NPAS3: variants seen among roughly 807,000 people sequenced by gnomAD.
NPAS3 encodes neuronal PAS domain-containing protein 3.
A neutral mutation model predicts 73.1 loss-of-function variants in NPAS3; 14 were observed. The ratio of observed to expected loss-of-function variants is 0.19; its 90% CI spans 0.13 to 0.30. The LOEUF (loss-of-function observed/expected upper bound fraction) is 0.30, where lower values mean the gene tolerates loss of function less well. NPAS3 is among the 10% of genes least tolerant of loss of function. The pLI is 1.00. For synonymous variants in NPAS3, 620 were observed against 541.5 expected, an observed-to-expected ratio of 1.14 and a Z score of -2.01; for missense variants, 1,096 against 1,250.0, an observed-to-expected ratio of 0.88 and a Z score of 1.86.
chr14:33,310,667 G>T (rs2042963345), intron 3 of NPAS3, among the ~76,000 whole-genome samples: 1 of 152,088 alleles, frequency 6.6e-6, no homozygotes, highest in South Asian at 2.1e-4. Flanking sequence ...CACATAGCAG[G>T]TAATGTGTTT....
At chr14:33,286,648 G>C (rs1408374233) in intron 3 of NPAS3, among the ~76,000 whole-genome samples, 1 of 152,088 alleles carries the variant, frequency 6.6e-6, no homozygotes, top group Non-Finnish European at 1.5e-5. Flanking sequence ...TAGCATGAAT[G>C]TGAGGGCTTT....
intron 4 of NPAS3, among the ~76,000 whole-genome samples, chr14:33,384,923 G>A (rs934698027): frequency 1.3e-5 from 2 of 152,130 alleles, no homozygotes; most frequent in Non-Finnish European, 2.9e-5. Flanking sequence ...CGGGCCACAC[G>A]TTGGGGATTG....
chr14:33,624,311 T>C (rs1348241865), intron 5 of NPAS3, among the ~76,000 whole-genome samples: 2 of 152,234 alleles, frequency 1.3e-5, no homozygotes, highest in African/African-American at 4.8e-5. Flanking sequence ...AGAATCAAGA[T>C]CACCATATCA....
chr14:33,053,720 A>G (rs2040788973), intron 1 of NPAS3, among the ~76,000 whole-genome samples: 1 of 152,176 alleles, frequency 6.6e-6, no homozygotes, highest in Non-Finnish European at 1.5e-5. Flanking sequence ...AGTTTCCTCT[A>G]TGGTACACAA....
intron 1 of NPAS3, among the ~76,000 whole-genome samples, chr14:32,999,967 T>C (rs1437845151): frequency 2.6e-5 from 4 of 152,178 alleles, no homozygotes; most frequent in Non-Finnish European, 5.9e-5. Context: ...GGCTCACAAT[T>C]GCCACATAGT....
At chr14:33,595,179 G>C (rs544594395) in intron 5 of NPAS3, among the ~76,000 whole-genome samples, 16 of 152,314 alleles carry the variant, frequency 1.1e-4, no homozygotes, top group African/African-American at 3.8e-4. Flanking sequence ...TGGGGCAGTA[G>C]TTTTGCTTCC....
intron 2 of NPAS3, among the ~76,000 whole-genome samples, chr14:33,199,681 C>G (rs571706673): frequency 2.6e-5 from 4 of 151,310 alleles, no homozygotes; most frequent in African/African-American, 7.3e-5. Flanking sequence ...TTTCCTTTTC[C>G]TTCTCTTTGC....
chr14:33,307,890 C>G (rs1446662050), intron 3 of NPAS3, among the ~76,000 whole-genome samples: 1 of 152,124 alleles, frequency 6.6e-6, no homozygotes, highest in Admixed American at 6.5e-5. Flanking sequence ...TGAGTCATTA[C>G]GTTGTTTGGC....
chr14:33,211,932 C>T (rs1176614535), intron 2 of NPAS3, among the ~76,000 whole-genome samples: 5 of 151,878 alleles, frequency 3.3e-5, no homozygotes, highest in Admixed American at 6.6e-5. Flanking sequence ...GAAGTTTAAT[C>T]GTATTTTAGA....
intron 4 of NPAS3, among the ~76,000 whole-genome samples, chr14:33,543,477 T>G (rs1372033693): frequency 2.6e-5 from 4 of 152,196 alleles, no homozygotes; most frequent in Non-Finnish European, 1.5e-5. Context: ...CAACTGATTT[T>G]TCTGGGACTA....
intron 2 of NPAS3, among the ~76,000 whole-genome samples, chr14:33,063,177 AT>A (rs1371653120): frequency 6.6e-6 from 1 of 152,208 alleles, no homozygotes; most frequent in Non-Finnish European, 1.5e-5. Flanking sequence ...TGTTTTGAGG[AT>A]GAATGTGATG....
chr14:33,341,960 T>C (rs1260761984), intron 3 of NPAS3, among the ~76,000 whole-genome samples: 1 of 152,240 alleles, frequency 6.6e-6, no homozygotes, highest in Non-Finnish European at 1.5e-5. Flanking sequence ...GTTTCTGGTT[T>C]GTTACTGTCT....
intron 6 of NPAS3, among the ~76,000 whole-genome samples, chr14:33,716,848 T>C (rs1055633531): frequency 6.6e-6 from 1 of 152,192 alleles, no homozygotes; most frequent in African/African-American, 2.4e-5. Context: ...TGTCCTCCTA[T>C]GCACCCTCAG....
chr14:33,587,196 A>G (rs1336358245), intron 5 of NPAS3, among the ~76,000 whole-genome samples: 7 of 152,224 alleles, frequency 4.6e-5, no homozygotes, highest in Non-Finnish European at 1.0e-4. Flanking sequence ...TCAATTGATC[A>G]AGATTGCTAT....
chr14:33,046,747 AGGTG>A (rs2040522663), intron 1 of NPAS3, among the ~76,000 whole-genome samples: 1 of 152,178 alleles, frequency 6.6e-6, no homozygotes, highest in Non-Finnish European at 1.5e-5. Flanking sequence ...AGGCCGAGGC[AGGTG>A]GATGACCTGA....
chr14:33,212,969 C>CT (rs1291285514), intron 2 of NPAS3, among the ~76,000 whole-genome samples: 1 of 152,116 alleles, frequency 6.6e-6, no homozygotes, highest in East Asian at 1.9e-4. Context: ...GCTTGCATGA[C>CT]TTTTTAAAGC....
intron 3 of NPAS3, among the ~76,000 whole-genome samples, chr14:33,319,626 C>T (rs1248893839): frequency 2.6e-5 from 4 of 151,522 alleles, no homozygotes; most frequent in Admixed American, 6.6e-5. Context: ...GTTCAGTAGC[C>T]GAGGCTCTAT....
At chr14:33,721,506 A>G (rs997901694) in intron 6 of NPAS3, among the ~76,000 whole-genome samples, 3 of 152,182 alleles carry the variant, frequency 2.0e-5, no homozygotes, top group African/African-American at 7.2e-5. Context: ...CACATAAAAC[A>G]CTTACCAGAA....
intron 5 of NPAS3, among the ~76,000 whole-genome samples, chr14:33,654,665 T>G (rs1199796236): frequency 3.9e-5 from 6 of 152,228 alleles, no homozygotes; most frequent in African/African-American, 1.4e-4. Context: ...AAAGCATGTA[T>G]AGACCACACC....
Sources: allele counts gnomAD v4.1 joint callset (sites outside exome capture counted in the v4.1 genomes callset), GRCh38; gene constraint gnomAD v4.1.1; transcripts MANE v1.5; gene names NCBI Gene and HGNC (gene_info 2026-07-23, HGNC 2026-07-21).